The following NRXN3 variants were observed in gnomAD, a reference collection of about 807,000 sequenced individuals.
NRXN3 encodes the protein neurexin 3.
Under a neutral mutation model 137.6 loss-of-function variants are expected in NRXN3, and 32 were observed. The observed-to-expected ratio is 0.23, with a 90% CI of 0.18 to 0.31. The LOEUF is 0.31. NRXN3 is among the 10% of genes least tolerant of loss of function. The probability of loss-of-function intolerance (pLI) is 1.00; values close to 1 mark genes in which losing one functional copy is unlikely to be tolerated. For missense variants in NRXN3, 1,574 were observed against 2,062.5 expected, an observed-to-expected ratio of 0.76 and a Z score of 4.59; for synonymous variants, 798 against 784.5, an observed-to-expected ratio of 1.02 and a Z score of -0.29.
chr14:79,615,963 C>A (rs1031838461), intron 16 of NRXN3, among the ~76,000 whole-genome samples: 1 of 152,116 alleles, frequency 6.6e-6, no homozygotes, highest in African/African-American at 2.4e-5. Flanking sequence ...GAGAGGTTAA[C>A]TCACAGCTAG....
At chr14:78,903,750 G>A (rs1486897865) in intron 10 of NRXN3, among the ~76,000 whole-genome samples, 3 of 152,002 alleles carry the variant, frequency 2.0e-5, no homozygotes, top group South Asian at 2.1e-4. Context: ...GGTGACATGT[G>A]ACTAATAGGT....
intron 10 of NRXN3, among the ~76,000 whole-genome samples, chr14:78,921,749 T>C (rs140875622): frequency 1.3e-5 from 2 of 152,318 alleles, no homozygotes; most frequent in East Asian, 3.9e-4. Flanking sequence ...GATTAATGGA[T>C]ACATGAAATT....
intron 19 of NRXN3, among the ~76,000 whole-genome samples, chr14:79,706,879 A>G (rs1338480561): frequency 1.3e-5 from 2 of 152,284 alleles, no homozygotes; most frequent in Non-Finnish European, 2.9e-5. Context: ...TGTGGAGACC[A>G]GAGCTTGGCG....
At chr14:78,711,040 CCTT>C (rs2098402975) in intron 7 of NRXN3, among the ~76,000 whole-genome samples, 1 of 152,190 alleles carries the variant, frequency 6.6e-6, no homozygotes, top group Non-Finnish European at 1.5e-5. Context: ...TTTTCTTTCT[CCTT>C]CTCTGCTTTT....
At chr14:78,375,312 A>G (rs2087623392) in intron 4 of NRXN3, among the ~76,000 whole-genome samples, 1 of 152,210 alleles carries the variant, frequency 6.6e-6, no homozygotes, top group Non-Finnish European at 1.5e-5. Flanking sequence ...CATGGCACAT[A>G]TTTATTTCCT....
intron 4 of NRXN3, among the ~76,000 whole-genome samples, chr14:78,513,501 G>T (rs769660559): frequency 6.6e-6 from 1 of 152,024 alleles, no homozygotes; most frequent in Non-Finnish European, 1.5e-5. Flanking sequence ...TATAGTTTTC[G>T]AAAGACTGTC....
chr14:78,263,952 C>G (rs73310347), intron 2 of NRXN3, among the ~76,000 whole-genome samples: 2 of 138,544 alleles, frequency 1.4e-5, no homozygotes, highest in East Asian at 4.3e-4. Flanking sequence ...AATTTTTTTC[C>G]GGGTCAGTTT....
intron 5 of NRXN3, among the ~76,000 whole-genome samples, chr14:78,647,945 G>A (rs2097703133): frequency 6.6e-6 from 1 of 152,068 alleles, no homozygotes; most frequent in Non-Finnish European, 1.5e-5. Context: ...CATATTTTTG[G>A]TAAGATTGAA....
intron 4 of NRXN3, among the ~76,000 whole-genome samples, chr14:78,503,894 G>T (rs1262479741): frequency 6.6e-6 from 1 of 152,136 alleles, no homozygotes. Context: ...AAGTTACATA[G>T]TTACCCTGAT....
At chr14:79,408,282 C>A (rs961690551) in intron 15 of NRXN3, among the ~76,000 whole-genome samples, 3 of 152,064 alleles carry the variant, frequency 2.0e-5, no homozygotes, top group Admixed American at 6.6e-5. Context: ...CCAAACACAG[C>A]CAGTTTTGGA....
chr14:78,650,898 A>G (rs2097735412), intron 5 of NRXN3, among the ~76,000 whole-genome samples: 1 of 152,158 alleles, frequency 6.6e-6, no homozygotes, highest in Non-Finnish European at 1.5e-5. Context: ...CTGTGTAAAG[A>G]TTGCAATGGG....
chr14:79,810,591 A>G (rs2099228560), intron 20 of NRXN3, among the ~76,000 whole-genome samples: 1 of 152,184 alleles, frequency 6.6e-6, no homozygotes, highest in Non-Finnish European at 1.5e-5. Flanking sequence ...ACTGCTACTT[A>G]GTTCCTCTTT....
In NRXN3 at chr14:79,647,022, C is replaced by T. The variant is rs983542474; in HGVS notation, c.3445-16756C>T. Reference sequence around the variant, plus strand: ...GATCTGTGGCCAGGTCTAAGTGTTGCCCCAATCCGTTCTCCCATCCAACTC... The same window carrying T: ...GATCTGTGGCCAGGTCTAAGTGTTGTCCCAATCCGTTCTCCCATCCAACTC... On this transcript the variant is annotated intron_variant, in intron 16 of 20. Transcript: ENST00000335750. Among the ~76,000 whole-genome samples the T allele has an allele frequency of 2.1e-4, 29 of 135,334 alleles. 1 individual carries two copies. Among genetic ancestry groups the T allele is most frequent in the African/African-American group, 7.1e-4 (29 of 40,712 alleles). The allele number at this position is 135,334 out of a possible 152,430, so 88.8% of individuals were successfully genotyped here.
intron 15 of NRXN3, among the ~76,000 whole-genome samples, chr14:79,281,329 A>G (rs1388146952): frequency 1.3e-5 from 2 of 152,128 alleles, no homozygotes; most frequent in Non-Finnish European, 2.9e-5. Flanking sequence ...TACAGGTACG[A>G]TGGGTTTTAC....
intron 19 of NRXN3, among the ~76,000 whole-genome samples, chr14:79,705,491 A>C (rs1187318832): frequency 2.0e-5 from 3 of 152,208 alleles, no homozygotes; most frequent in Admixed American, 2.0e-4. Flanking sequence ...TTGCTTTTGC[A>C]GATTTTTTTC....
chr14:78,676,890 A>G (rs1277542859), intron 6 of NRXN3, among the ~76,000 whole-genome samples: 1 of 152,152 alleles, frequency 6.6e-6, no homozygotes, highest in Non-Finnish European at 1.5e-5. Flanking sequence ...TGTACTCTGT[A>G]AGTTGAACAA....
chr14:78,608,848 C>CACT (rs2152460914), intron 4 of NRXN3, among the ~76,000 whole-genome samples: 1 of 152,244 alleles, frequency 6.6e-6, no homozygotes, highest in South Asian at 2.1e-4. Context: ...ACATGGGGAT[C>CACT]ACTACAGCTG....
At chr14:78,791,032 A>G (rs998437996) in intron 8 of NRXN3, among the ~76,000 whole-genome samples, 5 of 152,200 alleles carry the variant, frequency 3.3e-5, no homozygotes, top group South Asian at 2.1e-4. Context: ...ACTCTAGAAG[A>G]TGTAAATGGT....
chr14:79,104,997 C>T (rs940410137), intron 15 of NRXN3, among the ~76,000 whole-genome samples: 7 of 152,044 alleles, frequency 4.6e-5, no homozygotes, highest in Non-Finnish European at 8.8e-5. Flanking sequence ...TGTCTGGGCC[C>T]AGTTGCTCCT....
Sources: gnomAD v4.1 joint callset for allele counts (sites outside exome capture counted in the v4.1 genomes callset) on GRCh38, gnomAD v4.1.1 for gene constraint, MANE v1.5 for transcripts, NCBI Gene and HGNC (gene_info 2026-07-23, HGNC 2026-07-21) for gene names.